Variants in MEGF10 observed in about 807,000 individuals in gnomAD.
The protein encoded by MEGF10 is multiple epidermal growth factor-like domains protein 10.
Under a neutral mutation model 147.5 loss-of-function variants are expected in MEGF10, and 86 were observed. The observed-to-expected ratio is 0.58, with a 90% confidence interval of 0.49 to 0.70. MEGF10 has a LOEUF of 0.70. Ranked by LOEUF, MEGF10 falls within the 30% of genes least tolerant of loss-of-function variation. The probability of loss-of-function intolerance (pLI) is 0.00; values close to 1 mark genes in which losing one functional copy is unlikely to be tolerated. For missense variants in MEGF10, 1,329 were observed against 1,487.3 expected (o/e 0.89, Z 1.75); for synonymous variants, 478 against 525.5 (o/e 0.91, Z 1.24).
At position 127,457,781 on chromosome 5, in the gene MEGF10, A is replaced by G. The variant is rs1001417556; in HGVS notation, c.*463A>G. 1.9e-5 allele frequency: 3 copies of G among 156,614 alleles called. No homozygotes were observed. Among genetic ancestry groups the G allele is most frequent in the African/African-American group, 7.2e-5 (3 of 41,518 alleles). The allele number at this position is 156,614 out of a possible 1,614,324, so 9.7% of individuals were successfully genotyped here. Reference sequence around the variant, plus strand: ...TGAACATGTAGAAGACAAGGAACATATTGTTAACTCCTGATTCTTAACTTT... The same window carrying G: ...TGAACATGTAGAAGACAAGGAACATGTTGTTAACTCCTGATTCTTAACTTT... On this transcript the variant is annotated 3_prime_UTR_variant, in exon 25 of 25. Coordinates refer to ENST00000503335, the MANE Select transcript of MEGF10 (RefSeq NM_001256545.2).
chr5:127,247,682 A>G, the MEGF10 span, among the ~76,000 whole-genome samples: 1 of 151,842 alleles, frequency 6.6e-6, no homozygotes, highest in South Asian at 2.1e-4. Context: ...AGTCTTAGAG[A>G]GACAGAAATA....
the MEGF10 span, among the ~76,000 whole-genome samples, chr5:127,260,283 G>A: frequency 6.6e-6 from 1 of 152,148 alleles, no homozygotes; most frequent in Non-Finnish European, 1.5e-5. Flanking sequence ...AAACACCCAG[G>A]TTCTCTGTGT....
chr5:127,312,739 T>C (rs1319777075), intron 1 of MEGF10, among the ~76,000 whole-genome samples: 1 of 152,202 alleles, frequency 6.6e-6, no homozygotes, highest in East Asian at 1.9e-4. Flanking sequence ...ATAAACAGTT[T>C]TAGCTTTTGT....
chr5:127,249,819 C>T, the MEGF10 span, among the ~76,000 whole-genome samples: 1 of 152,138 alleles, frequency 6.6e-6, no homozygotes, highest in South Asian at 2.1e-4. Flanking sequence ...AAGGCAGCAG[C>T]AGGTTTAGTG....
At chr5:127,369,319 C>T (rs934702082) in intron 4 of MEGF10, among the ~76,000 whole-genome samples, 3 of 152,098 alleles carry the variant, frequency 2.0e-5, no homozygotes, top group African/African-American at 7.2e-5. Context: ...AAGATCTTTA[C>T]TAATGAAAGA....
chr5:127,339,279 A>G lies in MEGF10; in HGVS notation c.218+58A>G, dbSNP rs938927389. Reference sequence around the variant, plus strand: ...GCTAACTGGGAATAGATTCTAATACAGAGATATTAATGACAGCAGAAAGTG... The same window carrying G: ...GCTAACTGGGAATAGATTCTAATACGGAGATATTAATGACAGCAGAAAGTG... On this transcript the variant is annotated intron_variant, in intron 3 of 24. Transcript: ENST00000503335. 92 of 1,167,940 alleles carry G rather than the reference A, an allele frequency of 7.9e-5. 1 individual carries two copies. In the Admixed American group the frequency reaches 1.5e-3, roughly 19 times the overall value. The allele number at this position is 1,167,940 out of a possible 1,614,324, so 72.3% of individuals were successfully genotyped here.
At chr5:127,305,255 G>A (rs557593766) in intron 1 of MEGF10, among the ~76,000 whole-genome samples, 3 of 152,104 alleles carry the variant, frequency 2.0e-5, no homozygotes, top group African/African-American at 2.4e-5. Flanking sequence ...AACCATCGTC[G>A]GAGAATATGA....
intron 5 of MEGF10, among the ~76,000 whole-genome samples, chr5:127,386,048 C>G (rs1763418662): frequency 6.6e-6 from 1 of 152,190 alleles, no homozygotes; most frequent in Admixed American, 6.5e-5. Context: ...TTAGAGGTTA[C>G]AGTGAGCTAT....
Position 127,398,689 on chromosome 5 carries a change from T to C in MEGF10, c.673T>C (p.Cys225Arg). The C allele has an allele frequency of 1.9e-6, 3 of 1,614,132 alleles. No homozygotes were observed. Among genetic ancestry groups the C allele is most frequent in the Non-Finnish European group, 2.5e-6 (3 of 1,179,986 alleles). ...GYTGAFCEDL[C>R]PPGKHGPQCE... is the part of the protein sequence containing the mutation. ...TTAATCCCTCAGCTGTGAGGATCTT[T>C]GTCCTCCTGGTAAACATGGTCCACA... The change falls in exon 7 of 25, where the codon TGT (cysteine) becomes CGT (arginine). Residue 225 changes from cysteine to arginine, a missense_variant. Cys to Arg is a radical substitution (Grantham distance 180, BLOSUM62 -3). This residue lies in a region of MEGF10 where 980 missense variants were observed against 1,085.9 expected (regional missense o/e 0.90). Transcript: ENST00000503335.
intron 13 of MEGF10, among the ~76,000 whole-genome samples, chr5:127,428,288 T>G (rs1765273986): frequency 6.6e-6 from 1 of 151,790 alleles, no homozygotes; most frequent in Non-Finnish European, 1.5e-5. Context: ...AGTATCCAAA[T>G]AGAAAGATTT....
chr5:127,422,814 A>G (rs1030409112), intron 13 of MEGF10, 42 bp downstream of exon 13: 23 of 1,402,432 alleles, frequency 1.6e-5, no homozygotes, highest in African/African-American at 2.8e-5. Flanking sequence ...AAACCCGCCA[A>G]TTTAACACCT....
chr5:127,365,114 C>T (rs146909664), intron 4 of MEGF10, among the ~76,000 whole-genome samples: 4 of 152,252 alleles, frequency 2.6e-5, no homozygotes, highest in African/African-American at 7.2e-5. Context: ...CTCATAGCGT[C>T]AGAATAAAAG....
At chr5:127,426,068 G>A (rs1324302234) in intron 13 of MEGF10, among the ~76,000 whole-genome samples, 1 of 152,170 alleles carries the variant, frequency 6.6e-6, no homozygotes, top group African/African-American at 2.4e-5. Flanking sequence ...GTTGGATTTG[G>A]AGCCAGAGAT....
intron 4 of MEGF10, among the ~76,000 whole-genome samples, chr5:127,349,007 G>A (rs1225656190): frequency 6.6e-6 from 1 of 151,404 alleles, no homozygotes; most frequent in East Asian, 1.9e-4. Context: ...ACAAGAGCGA[G>A]AATCCATCTC....
intron 5 of MEGF10, among the ~76,000 whole-genome samples, chr5:127,391,035 T>G (rs1763638883): frequency 6.6e-6 from 1 of 151,988 alleles, no homozygotes. Context: ...TAGCTATTTA[T>G]CTTTTATGAA....
At chr5:127,239,522 A>G in the MEGF10 span, among the ~76,000 whole-genome samples, 1 of 148,770 alleles carries the variant, frequency 6.7e-6, no homozygotes, top group Non-Finnish European at 1.5e-5. Context: ...TATACTTTAT[A>G]TATATATAAA....
chr5:127,438,499 C>G lies in MEGF10; in HGVS notation c.2165C>G (p.Ala722Gly). The change falls in exon 17 of 25, where the codon GCT (alanine) becomes GGT (glycine). Residue 722 changes from alanine to glycine, a missense_variant. By Grantham distance (60) the Ala-to-Gly change is moderately conservative. Around this residue, in one of 3 missense-constraint regions of MEGF10, gnomAD observed 980 missense variants for 1,085.9 expected, o/e 0.90. Coordinates refer to ENST00000503335, the MANE Select transcript of MEGF10 (RefSeq NM_001256545.2). ...CACACGTGCAACTGCCATAATGGAG[C>G]TTTCTGCAGCGCCTACGATGGGGAA... ...CIHTCNCHNGAFCSAYDGECK... is the reference protein window; with the variant it reads ...CIHTCNCHNGGFCSAYDGECK... 6.2e-7 allele frequency: 1 copy of G among 1,614,160 alleles called. No homozygotes were observed. The highest frequency in any genetic ancestry group is 8.5e-7 in the Non-Finnish European group (1 of 1,180,002).
chr5:127,338,110 C>A (rs186935661), intron 2 of MEGF10, among the ~76,000 whole-genome samples: 7 of 152,184 alleles, frequency 4.6e-5, no homozygotes, highest in Admixed American at 3.9e-4. Flanking sequence ...TTCTGTCTAA[C>A]CTGAATTCTT....
At chr5:127,404,241 C>T (rs1399320967) in intron 8 of MEGF10, among the ~76,000 whole-genome samples, 2 of 151,770 alleles carry the variant, frequency 1.3e-5, no homozygotes, top group Admixed American at 1.3e-4. Context: ...TTTTCATATG[C>T]CTGTTTGCCA....
Sources: allele counts gnomAD v4.1 joint callset (sites outside exome capture counted in the v4.1 genomes callset), GRCh38; gene constraint gnomAD v4.1.1; regional missense constraint gnomAD v4.1.1; transcripts MANE v1.5; gene names NCBI Gene and HGNC (gene_info 2026-07-23, HGNC 2026-07-21).